The following TENT4A variants were observed in gnomAD, a reference collection of about 807,000 sequenced individuals.
TENT4A encodes DNA polymerase kappa.
TENT4A carries 7 observed loss-of-function variants against 72.8 expected under a neutral mutation model. The observed-to-expected ratio is 0.10, with a 90% confidence interval of 0.05 to 0.18. The LOEUF (loss-of-function observed/expected upper bound fraction) is 0.18, where lower values mean the gene tolerates loss of function less well. Among genes scored for constraint, TENT4A ranks in the 10% least tolerant of loss-of-function variants. The pLI is 1.00. For missense variants in TENT4A, 831 were observed against 1,017.7 expected (o/e 0.82, Z 2.50); for synonymous variants, 456 against 434.3 (o/e 1.05, Z -0.62).
At chr5:6,738,396 G>T (rs1223795773) in intron 2 of TENT4A, among the ~76,000 whole-genome samples, 2 of 152,210 alleles carry the variant, frequency 1.3e-5, no homozygotes, top group Non-Finnish European at 2.9e-5. Flanking sequence ...GAGGTTGAAG[G>T]GTTTGAAGCT....
intron 3 of TENT4A, among the ~76,000 whole-genome samples, chr5:6,739,061 TG>T (rs1741663749): frequency 6.6e-6 from 1 of 152,220 alleles, no homozygotes; most frequent in African/African-American, 2.4e-5. Context: ...TTTGAAAAAT[TG>T]ATCTTATGTT....
At chr5:6,732,744 C>T (rs1741274233) in intron 1 of TENT4A, among the ~76,000 whole-genome samples, 1 of 152,066 alleles carries the variant, frequency 6.6e-6, no homozygotes, top group East Asian at 1.9e-4. Flanking sequence ...CTAAAAAAAA[C>T]CTCTGCTGTC....
intron 1 of TENT4A, among the ~76,000 whole-genome samples, chr5:6,715,298 C>T (rs1254728874): frequency 6.6e-6 from 1 of 152,122 alleles, no homozygotes; most frequent in African/African-American, 2.4e-5. Flanking sequence ...TCATATATGT[C>T]TATTCTTTGG....
In TENT4A at chr5:6,714,260, G is replaced by A. The variant is rs1349621719; in HGVS notation, c.277G>A (p.Gly93Arg). 6 of 1,047,366 alleles carry A rather than the reference G, an allele frequency of 5.7e-6. No homozygotes were observed. The highest frequency in any genetic ancestry group is 4.5e-4 in the Middle Eastern group (1 of 2,232). The allele number at this position is 1,047,366 out of a possible 1,614,324, so 64.9% of individuals were successfully genotyped here. Residue 93 changes from glycine to arginine, a missense_variant, in exon 1 of 13, where the codon GGG (glycine) becomes AGG (arginine). Gly to Arg is a moderately radical substitution (Grantham distance 125, BLOSUM62 -2). Coordinates refer to ENST00000230859, the MANE Select transcript of TENT4A (RefSeq NM_006999.6). ...ALPPALLTAL[G>R]PAAEGARRLH... ...GCCCCCCGCGCTGCTGACGGCGCTG[G>A]GGCCCGCGGCCGAGGGCGCGCGGCG...
chr5:6,728,779 G>A (rs1741067502), intron 1 of TENT4A, among the ~76,000 whole-genome samples: 1 of 152,218 alleles, frequency 6.6e-6, no homozygotes, highest in African/African-American at 2.4e-5. Flanking sequence ...TTTGACCCTT[G>A]CAGTATGAAT....
intron 1 of TENT4A, among the ~76,000 whole-genome samples, chr5:6,725,016 GAT>G (rs1740839470): frequency 6.6e-6 from 1 of 152,364 alleles, no homozygotes; most frequent in East Asian, 1.9e-4. Flanking sequence ...TGTCCAAAGA[GAT>G]AAGCTAATAA....
intron 1 of TENT4A, among the ~76,000 whole-genome samples, chr5:6,728,372 C>T (rs1055877832): frequency 2.0e-5 from 3 of 152,232 alleles, no homozygotes; most frequent in Non-Finnish European, 4.4e-5. Flanking sequence ...CCCCTGGCAG[C>T]GGTGCCTCTG....
In TENT4A at chr5:6,714,114, A is replaced by C; in HGVS notation, c.131A>C (p.Asn44Thr). The change falls in exon 1 of 13, where the codon AAC becomes ACC. Residue 44 changes from asparagine (N) to threonine (T), a missense_variant. This residue lies in a region of TENT4A where 302 missense variants were observed against 293.8 expected (regional missense o/e 1.03). Coordinates refer to ENST00000230859, the MANE Select transcript of TENT4A (RefSeq NM_006999.6). ...GSGFASYFCL[N>T]SPALDTAAAA... ...GGCTTCGCGTCCTATTTCTGCCTCA[A>C]CTCGCCGGCGCTGGACACGGCGGCC... The C allele has an allele frequency of 2.1e-6, 2 of 974,868 alleles. No homozygotes were observed. Among genetic ancestry groups the C allele is most frequent in the Non-Finnish European group, 2.4e-6 (2 of 826,834 alleles). The allele number at this position is 974,868 out of a possible 1,614,324, so 60.4% of individuals were successfully genotyped here.
chr5:6,750,137 T>C (rs551370654), intron 9 of TENT4A, among the ~76,000 whole-genome samples, 194 bp from the exon 10 acceptor site: 1 of 152,388 alleles, frequency 6.6e-6, no homozygotes, highest in East Asian at 1.9e-4. Context: ...CCCAAGTTAT[T>C]ACAAACATGT....
At chr5:6,740,961 A>C (rs920326952) in intron 4 of TENT4A, among the ~76,000 whole-genome samples, 2 of 152,222 alleles carry the variant, frequency 1.3e-5, no homozygotes, top group Non-Finnish European at 2.9e-5. Context: ...TCATTAGCCC[A>C]AGGTGGGTCA....
At chr5:6,750,730 A>T (rs1308475261) in intron 10 of TENT4A, 2 of 549,124 alleles carry the variant, frequency 3.6e-6, no homozygotes, top group Non-Finnish European at 6.3e-6. Context: ...TGTCGAGGGC[A>T]GTAATCCTCT....
In TENT4A at chr5:6,745,990, A is replaced by G. The variant is rs1742075952; in HGVS notation, c.1246-224A>G. On this transcript the variant is annotated intron_variant, in intron 6 of 12. Transcript: ENST00000230859. ...TTTGCTGTATGGATTACCAATTTCA[A>G]AAATCAAACTACACTAAAATTCAGA... is the stretch of plus-strand genomic sequence containing the variant. 4 of 1,366,566 alleles carry G rather than the reference A, an allele frequency of 2.9e-6. No homozygotes were observed. In the East Asian group the frequency reaches 8.9e-5, roughly 30 times the overall value. 84.7% of individuals were successfully genotyped at this position (1,366,566 alleles called of 1,614,324 possible). A position where few individuals can be genotyped will look rare whatever the true frequency, so the allele number is the denominator to read the frequency against.
intron 6 of TENT4A, among the ~76,000 whole-genome samples, chr5:6,745,288 A>G (rs1194001621): frequency 1.3e-5 from 2 of 152,226 alleles, no homozygotes; most frequent in African/African-American, 2.4e-5. Context: ...AAACATTTGT[A>G]TGCTTTCTAG....
At chr5:6,725,444 G>C (rs1740869510) in intron 1 of TENT4A, among the ~76,000 whole-genome samples, 1 of 152,210 alleles carries the variant, frequency 6.6e-6, no homozygotes, top group South Asian at 2.1e-4. Context: ...AGAGACTCCA[G>C]AGATGGACAG....
chr5:6,739,763 G>C lies in TENT4A; in HGVS notation c.919G>C (p.Glu307Gln), dbSNP rs1456388727. 6.2e-7 allele frequency: 1 copy of C among 1,614,064 alleles called. No individual in the cohort carries two copies. Among genetic ancestry groups the C allele is most frequent in the Non-Finnish European group, 8.5e-7 (1 of 1,180,034 alleles). ...AGACCTGGTGGTCTTCGGGAAATGG[G>C]AGCGTCCTCCTTTACAGCTGCTGGA... Reference protein sequence around the residue: ...DIDLVVFGKWERPPLQLLEQA... With the variant: ...DIDLVVFGKWQRPPLQLLEQA... Residue 307 changes from glutamate (E) to glutamine (Q), a missense_variant, in exon 4 of 13, where the codon GAG (glutamate) becomes CAG (glutamine). Physicochemically the swap from Glu to Gln is conservative, Grantham distance 29. Coordinates refer to ENST00000230859, the MANE Select transcript of TENT4A (RefSeq NM_006999.6).
chr5:6,724,087 T>C (rs762398470), intron 1 of TENT4A, among the ~76,000 whole-genome samples: 1 of 152,218 alleles, frequency 6.6e-6, no homozygotes, highest in Admixed American at 6.5e-5. Flanking sequence ...TAACTCATTT[T>C]GAAGAGAGAA....
intron 1 of TENT4A, among the ~76,000 whole-genome samples, chr5:6,731,234 TGGA>T (rs1741194637): frequency 6.6e-6 from 1 of 152,200 alleles, no homozygotes; most frequent in Non-Finnish European, 1.5e-5. Context: ...AAGGAAGAGT[TGGA>T]GGAGGAGAGG....
chr5:6,719,473 C>T (rs1305741613), intron 1 of TENT4A, among the ~76,000 whole-genome samples: 2 of 152,346 alleles, frequency 1.3e-5, no homozygotes, highest in African/African-American at 4.8e-5. Flanking sequence ...ACCACCCAGA[C>T]TTGCAGAAGA....
At chr5:6,752,625 CA>C (rs1742469417) in intron 11 of TENT4A, among the ~76,000 whole-genome samples, 1 of 152,240 alleles carries the variant, frequency 6.6e-6, no homozygotes, top group Non-Finnish European at 1.5e-5. Flanking sequence ...GTTTGATCTT[CA>C]ATGAGTTTCA....
Sources: allele counts gnomAD v4.1 joint callset (sites outside exome capture counted in the v4.1 genomes callset), GRCh38; gene constraint gnomAD v4.1.1; regional missense constraint gnomAD v4.1.1; transcripts MANE v1.5; gene names NCBI Gene and HGNC (gene_info 2026-07-23, HGNC 2026-07-21).